NEMP2: variants seen among roughly 807,000 people sequenced by gnomAD.
NEMP2 encodes the protein nuclear envelope integral membrane protein 2, also known as UPF0571 transmembrane protein.
Under a neutral mutation model 54.2 loss-of-function variants are expected in NEMP2, and 53 were observed. That is an observed-to-expected ratio of 0.98 (90% CI 0.78 to 1.23). The LOEUF (loss-of-function observed/expected upper bound fraction) is 1.23. Ranked by LOEUF, NEMP2 falls within the 50% of genes most tolerant of loss-of-function variation. The pLI, the probability that NEMP2 is intolerant of heterozygous loss-of-function variation, is 0.00. For synonymous variants in NEMP2, 197 were observed against 190.3 expected (o/e 1.04, Z -0.29); for missense variants, 455 against 511.3 (o/e 0.89, Z 1.06).
At position 190,517,546 on chromosome 2, in the gene NEMP2, G is replaced by T; in HGVS notation, c.586C>A (p.Leu196Met). The change falls in exon 5 of 9, where the codon CTG (leucine) becomes ATG (methionine). Residue 196 changes from leucine (L) to methionine (M), a missense_variant. By Grantham distance (15) the Leu-to-Met change is conservative. Transcript: ENST00000409150. ...GVLMTLVFVL[L>M]LVKRFIPKYS... ...TTCGGAATGAATCTTTTCACCAACAGCAAGACAAAGACTAATGTCATTAGA... is the reference window on the plus strand; with the variant it reads ...TTCGGAATGAATCTTTTCACCAACATCAAGACAAAGACTAATGTCATTAGA... 1 of 1,549,836 alleles carries T rather than the reference G, an allele frequency of 6.5e-7. No individual in the cohort carries two copies. Among genetic ancestry groups the T allele is most frequent in the Non-Finnish European group, 8.7e-7 (1 of 1,146,258 alleles).
the NEMP2 span, among the ~76,000 whole-genome samples, chr2:190,623,454 G>A: frequency 2.6e-5 from 4 of 152,270 alleles, no homozygotes; most frequent in Admixed American, 1.3e-4. Context: ...AAAGGCTACT[G>A]GCATAAAAAC....
the NEMP2 span, among the ~76,000 whole-genome samples, chr2:190,566,743 GAAAAA>G: frequency 6.8e-5 from 10 of 147,222 alleles, no homozygotes; most frequent in South Asian, 2.1e-4. Context: ...AGAAAGAAAA[GAAAAA>G]AAAAGAAAGG....
chr2:190,523,709 C>T lies in NEMP2; in HGVS notation c.213+1554G>A, dbSNP rs142625142. Among the ~76,000 whole-genome samples the T allele has an allele frequency of 7.9e-5, 12 of 152,304 alleles. No individual in the cohort carries two copies. The East Asian group carries it at 1.9e-3, about 24-fold the overall frequency. On this transcript the variant is annotated intron_variant, in intron 2 of 8. Coordinates refer to ENST00000409150, the MANE Select transcript of NEMP2 (RefSeq NM_001142645.2). This position sits in a 1 kb window ranked among gnomAD's most constrained non-coding sequence, Gnocchi z 5.3. ...AAGTAGTGCTCAAAAATGCTAGGCA[C>T]ATGGCAGAAGGACACAGGAGCTAGT...
the NEMP2 span, among the ~76,000 whole-genome samples, chr2:190,491,481 A>G: frequency 6.6e-6 from 1 of 152,230 alleles, no homozygotes; most frequent in African/African-American, 2.4e-5. The surrounding 1 kb of genome is among the most constrained non-coding windows in gnomAD (Gnocchi z 4.2). Context: ...TTCACATCAC[A>G]GGACTCTATG....
At chr2:190,585,037 A>T in the NEMP2 span, among the ~76,000 whole-genome samples, 20 of 152,268 alleles carry the variant, frequency 1.3e-4, no homozygotes, top group East Asian at 1.4e-3. The surrounding 1 kb of genome is among the most constrained non-coding windows in gnomAD (Gnocchi z 5.3). Context: ...TCCCTGAGAA[A>T]CCTGGATAAC....
At chr2:190,584,236 T>C in the NEMP2 span, among the ~76,000 whole-genome samples, 3 of 152,068 alleles carry the variant, frequency 2.0e-5, no homozygotes, top group Non-Finnish European at 4.4e-5. The surrounding 1 kb of genome is among the most constrained non-coding windows in gnomAD (Gnocchi z 4.2). Context: ...GAGTGAAAGG[T>C]TTTTTTCTGC....
the NEMP2 span, among the ~76,000 whole-genome samples, chr2:190,547,617 C>CT: frequency 2.6e-5 from 4 of 152,324 alleles, no homozygotes; most frequent in African/African-American, 9.6e-5. The surrounding 1 kb of genome is among the most constrained non-coding windows in gnomAD (Gnocchi z 6.2). Context: ...CCTCCACCTC[C>CT]TGGGTTCAAG....
the NEMP2 span, among the ~76,000 whole-genome samples, chr2:190,434,008 T>C: frequency 6.6e-6 from 1 of 151,890 alleles, no homozygotes; most frequent in East Asian, 1.9e-4. The surrounding 1 kb of genome is among the most constrained non-coding windows in gnomAD (Gnocchi z 4.3). Flanking sequence ...CTGGGCAACA[T>C]GGCAAAAACC....
upstream of NEMP2, among the ~76,000 whole-genome samples, chr2:190,537,675 G>A (rs527863362): frequency 1.3e-5 from 2 of 152,280 alleles, no homozygotes; most frequent in South Asian, 2.1e-4. Context: ...GCATTTAAGA[G>A]GAAGCAGAGC....
the NEMP2 span, among the ~76,000 whole-genome samples, chr2:190,604,079 G>A: frequency 9.1e-4 from 138 of 152,282 alleles, no homozygotes; most frequent in East Asian, 3.3e-3. The surrounding 1 kb of genome is among the most constrained non-coding windows in gnomAD (Gnocchi z 4.5). Flanking sequence ...AGAATGTGTC[G>A]CACCTGAAAG....
At chr2:190,479,112 A>T in the NEMP2 span, among the ~76,000 whole-genome samples, 31 of 152,178 alleles carry the variant, frequency 2.0e-4, 1 homozygote, top group Admixed American at 1.3e-4. Context: ...GTTTGTGAAG[A>T]AACAAATTTC....
At chr2:190,537,683 A>C (rs1347361155), upstream of NEMP2, among the ~76,000 whole-genome samples, 1 of 152,238 alleles carries the variant, frequency 6.6e-6, no homozygotes, top group East Asian at 1.9e-4. Context: ...GAGGAAGCAG[A>C]GCATGAAAGT....
chr2:190,466,060 C>G, the NEMP2 span, among the ~76,000 whole-genome samples: 84,262 of 152,064 alleles, frequency 0.55, 24,278 homozygotes, highest in Admixed American at 0.65. Context: ...AAGGGCCTCT[C>G]TCTTTGGCTT....
At chr2:190,421,423 T>C in the NEMP2 span, among the ~76,000 whole-genome samples, 2 of 152,168 alleles carry the variant, frequency 1.3e-5, no homozygotes, top group East Asian at 3.8e-4. Flanking sequence ...ACTCCATATT[T>C]CTTTCTCAGT....
the NEMP2 span, among the ~76,000 whole-genome samples, chr2:190,548,256 A>T: frequency 6.6e-6 from 1 of 152,252 alleles, no homozygotes; most frequent in East Asian, 1.9e-4. Flanking sequence ...TAATTTGCCT[A>T]ACACTAATGT....
the NEMP2 span, among the ~76,000 whole-genome samples, chr2:190,421,551 A>C: frequency 6.6e-6 from 1 of 152,122 alleles, no homozygotes; most frequent in Non-Finnish European, 1.5e-5. Flanking sequence ...CTCTTCCCAG[A>C]GGCAACTACT....
the NEMP2 span, among the ~76,000 whole-genome samples, chr2:190,618,955 T>G: frequency 6.6e-6 from 1 of 152,256 alleles, no homozygotes; most frequent in Non-Finnish European, 1.5e-5. Flanking sequence ...TAAAATTGTT[T>G]TTTTAAACTT....
chr2:190,648,695 C>G, the NEMP2 span, among the ~76,000 whole-genome samples: 20 of 151,528 alleles, frequency 1.3e-4, no homozygotes, highest in African/African-American at 4.8e-4. Context: ...CCACCCGTCT[C>G]CCTCTTTGTC....
At chr2:190,558,119 T>C in the NEMP2 span, among the ~76,000 whole-genome samples, 172 of 152,300 alleles carry the variant, frequency 1.1e-3, 1 homozygote, top group African/African-American at 3.9e-3. The surrounding 1 kb of genome is among the most constrained non-coding windows in gnomAD (Gnocchi z 4.4). Context: ...GTGGCACATA[T>C]ACACCATGGA....
Sources: allele counts gnomAD v4.1 joint callset (sites outside exome capture counted in the v4.1 genomes callset), GRCh38; gene constraint gnomAD v4.1.1; non-coding constraint Gnocchi (gnomAD v3.1); transcripts MANE v1.5; gene names NCBI Gene and HGNC (gene_info 2026-07-23, HGNC 2026-07-21).